SPATA17: variants seen among roughly 807,000 people sequenced by gnomAD.
SPATA17 encodes spermatogenesis-associated protein 17.
SPATA17 carries 53 observed loss-of-function variants against 62.2 expected under a neutral mutation model. The observed-to-expected ratio is 0.85, with a 90% CI of 0.68 to 1.07. SPATA17 has a LOEUF of 1.07. Among genes scored for constraint, SPATA17 ranks in the 50% least tolerant of loss-of-function variants. The probability of loss-of-function intolerance (pLI) is 0.00; values close to 1 mark genes in which losing one functional copy is unlikely to be tolerated. For missense variants in SPATA17, 466 were observed against 425.5 expected (o/e 1.10, Z -0.84); for synonymous variants, 146 against 146.8 (o/e 0.99, Z 0.04).
At chr1:217,660,440 C>G (rs2102890408) in intron 3 of SPATA17, among the ~76,000 whole-genome samples, 1 of 152,298 alleles carries the variant, frequency 6.6e-6, no homozygotes, top group South Asian at 2.1e-4. Flanking sequence ...CACAGGGATA[C>G]AAGTTGGAAG....
chr1:217,699,813 T>G (rs1168104357), intron 5 of SPATA17, among the ~76,000 whole-genome samples: 3 of 152,188 alleles, frequency 2.0e-5, no homozygotes, highest in Admixed American at 2.0e-4. Flanking sequence ...TCTCCTTTTT[T>G]TTCTAAAAGT....
At chr1:217,713,473 C>T (rs569142926) in intron 5 of SPATA17, among the ~76,000 whole-genome samples, 19 of 152,112 alleles carry the variant, frequency 1.2e-4, no homozygotes, top group Admixed American at 7.9e-4. Context: ...CCCGCAAACA[C>T]CAGGTCTTTC....
At chr1:217,711,649 A>C (rs925926701) in intron 5 of SPATA17, among the ~76,000 whole-genome samples, 1 of 152,252 alleles carries the variant, frequency 6.6e-6, no homozygotes, top group Admixed American at 6.5e-5. Context: ...TTGACGCTCA[A>C]CAAATAGTGG....
intron 5 of SPATA17, among the ~76,000 whole-genome samples, chr1:217,725,782 A>C (rs559554097): frequency 6.6e-5 from 10 of 152,268 alleles, no homozygotes; most frequent in African/African-American, 2.4e-4. Context: ...GTTTTTAAAT[A>C]GTTTAAATTA....
intron 9 of SPATA17, among the ~76,000 whole-genome samples, chr1:217,839,754 T>G (rs1675349458): frequency 6.6e-6 from 1 of 152,198 alleles, no homozygotes; most frequent in East Asian, 1.9e-4. Context: ...GAACCATAGT[T>G]GGTGGTTAGG....
intron 3 of SPATA17, among the ~76,000 whole-genome samples, chr1:217,668,557 T>C (rs1183439447): frequency 1.3e-5 from 2 of 152,180 alleles, no homozygotes; most frequent in Admixed American, 1.3e-4. Context: ...ACAATTTTGC[T>C]CCATCACTGC....
chr1:217,723,200 G>C (rs891702065), intron 5 of SPATA17, among the ~76,000 whole-genome samples: 2 of 152,114 alleles, frequency 1.3e-5, no homozygotes, highest in African/African-American at 4.8e-5. Flanking sequence ...TATCAACTGA[G>C]ACCATTCCAA....
At chr1:217,802,130 T>A (rs1013559105) in intron 9 of SPATA17, among the ~76,000 whole-genome samples, 1 of 151,778 alleles carries the variant, frequency 6.6e-6, no homozygotes, top group Admixed American at 6.6e-5. Flanking sequence ...AGGGCTTGAG[T>A]ATGAGGTCAC....
intron 5 of SPATA17, among the ~76,000 whole-genome samples, chr1:217,724,190 G>C (rs2102936467): frequency 6.6e-6 from 1 of 152,160 alleles, no homozygotes; most frequent in Admixed American, 6.5e-5. Context: ...TATATTAATG[G>C]ACATTTAATA....
chr1:217,656,465 A>G (rs571692762), intron 3 of SPATA17, among the ~76,000 whole-genome samples: 3 of 152,190 alleles, frequency 2.0e-5, no homozygotes, highest in Admixed American at 6.5e-5. Context: ...AAATCAAAAT[A>G]TGAAGCTTTT....
chr1:217,671,205 T>A (rs183167745), intron 4 of SPATA17, among the ~76,000 whole-genome samples: 28 of 152,230 alleles, frequency 1.8e-4, no homozygotes, highest in African/African-American at 6.0e-4. Context: ...GAACAAAATG[T>A]TTGTTAACCA....
chr1:217,730,791 TA>T (rs895535733), intron 5 of SPATA17, among the ~76,000 whole-genome samples: 5 of 152,118 alleles, frequency 3.3e-5, no homozygotes, highest in East Asian at 1.9e-4. Context: ...TTTCTTTTTT[TA>T]AAAAAACTCT....
At chr1:217,663,504 A>T (rs752343348) in intron 3 of SPATA17, among the ~76,000 whole-genome samples, 29 of 152,118 alleles carry the variant, frequency 1.9e-4, no homozygotes, top group Non-Finnish European at 3.7e-4. Flanking sequence ...CCAGCAAACA[A>T]GGCAAAGCAT....
rs1253688178 is a variant in SPATA17 at position 217,698,594 on chromosome 1, AC to A, written c.395+15234del. Among the ~76,000 whole-genome samples the A allele has an allele frequency of 4.1e-5, 6 of 146,674 alleles. 1 individual carries two copies. Among genetic ancestry groups the A allele is most frequent in the South Asian group, 4.3e-4 (2 of 4,690 alleles). On this transcript the variant is annotated intron_variant, in intron 5 of 10. Coordinates refer to ENST00000366933, the MANE Select transcript of SPATA17 (RefSeq NM_138796.4). ...CATGCAGTTATAAAAAAAAAAAAAA[AC>A]AAAGAAATTCTATGTTAACTCAATA...
intron 9 of SPATA17, among the ~76,000 whole-genome samples, chr1:217,842,767 C>T (rs1469459838): frequency 6.6e-6 from 1 of 151,832 alleles, no homozygotes; most frequent in African/African-American, 2.4e-5. Flanking sequence ...TTATTCACAT[C>T]TGCTCTTTGT....
chr1:217,774,322 C>A lies in SPATA17; in HGVS notation c.520-12C>A. ...TTAAAGAAAAAATCAAAATTGCTTT[C>A]TTCTTCTTTAGATTCCAGGAATATA... is the stretch of plus-strand genomic sequence containing the variant. On this transcript the variant is annotated splice_polypyrimidine_tract_variant and intron_variant, in intron 6 of 10. Coordinates refer to ENST00000366933, the MANE Select transcript of SPATA17 (RefSeq NM_138796.4). 6.3e-7 allele frequency: 1 copy of A among 1,599,822 alleles called. No homozygotes were observed. Among genetic ancestry groups the A allele is most frequent in the Non-Finnish European group, 8.5e-7 (1 of 1,173,480 alleles).
intron 4 of SPATA17, among the ~76,000 whole-genome samples, chr1:217,678,936 T>A (rs1671014851): frequency 6.6e-6 from 1 of 151,740 alleles, no homozygotes; most frequent in Admixed American, 6.6e-5. Flanking sequence ...TTTGAAGTAG[T>A]AACCCGTTCA....
intron 5 of SPATA17, among the ~76,000 whole-genome samples, chr1:217,729,394 T>C (rs1476820394): frequency 6.6e-6 from 1 of 152,172 alleles, no homozygotes; most frequent in Non-Finnish European, 1.5e-5. Context: ...AAGATAACAT[T>C]TCAGTAAACC....
intron 6 of SPATA17, among the ~76,000 whole-genome samples, chr1:217,767,329 C>T (rs1673323603): frequency 6.6e-6 from 1 of 151,910 alleles, no homozygotes; most frequent in Non-Finnish European, 1.5e-5. Flanking sequence ...AGTAATTTGC[C>T]TACTGTGGTT....
Sources: allele counts gnomAD v4.1 joint callset (sites outside exome capture counted in the v4.1 genomes callset), GRCh38; gene constraint gnomAD v4.1.1; transcripts MANE v1.5; gene names NCBI Gene and HGNC (gene_info 2026-07-23, HGNC 2026-07-21).